Variants in NPAS3 observed in about 807,000 individuals in gnomAD.
NPAS3 encodes the protein neuronal PAS domain-containing protein 3.
Under a neutral mutation model 73.1 loss-of-function variants are expected in NPAS3, and 14 were observed. The observed-to-expected ratio is 0.19, with a 90% CI of 0.13 to 0.30. The LOEUF (loss-of-function observed/expected upper bound fraction) is 0.30. Among genes scored for constraint, NPAS3 ranks in the 10% least tolerant of loss-of-function variants. The pLI, the probability that NPAS3 is intolerant of heterozygous loss-of-function variation, is 1.00. For synonymous variants in NPAS3, 620 were observed against 541.5 expected, an observed-to-expected ratio of 1.14 and a Z score of -2.01; for missense variants, 1,096 against 1,250.0, an observed-to-expected ratio of 0.88 and a Z score of 1.86.
chr14:32,942,022 GT>G (rs1424886840), intron 1 of NPAS3, among the ~76,000 whole-genome samples: 31 of 152,224 alleles, frequency 2.0e-4, no homozygotes, highest in African/African-American at 7.5e-4. Context: ...CTTGCTTCAA[GT>G]AAGTGAGTAA....
intron 3 of NPAS3, among the ~76,000 whole-genome samples, chr14:33,306,033 A>T (rs2042740777): frequency 6.6e-6 from 1 of 152,180 alleles, no homozygotes. Flanking sequence ...ATTATATTTC[A>T]TTTAAACACA....
At chr14:33,018,189 A>G (rs1348982887) in intron 1 of NPAS3, among the ~76,000 whole-genome samples, 1 of 152,232 alleles carries the variant, frequency 6.6e-6, no homozygotes, top group Non-Finnish European at 1.5e-5. Flanking sequence ...ACTAGAGTTA[A>G]TAAGTTTGGA....
intron 3 of NPAS3, among the ~76,000 whole-genome samples, chr14:33,363,846 G>A (rs936761233): frequency 2.0e-5 from 3 of 151,478 alleles, no homozygotes; most frequent in South Asian, 4.2e-4. Context: ...TAGCTCTTAC[G>A]TCTCACTCTC....
chr14:33,199,187 C>A (rs549218317), intron 2 of NPAS3, among the ~76,000 whole-genome samples: 1 of 152,318 alleles, frequency 6.6e-6, no homozygotes, highest in African/African-American at 2.4e-5. Context: ...GAGGGGTTCC[C>A]ACAGTGCAGA....
At chr14:33,041,180 A>G (rs2040336535) in intron 1 of NPAS3, among the ~76,000 whole-genome samples, 1 of 152,190 alleles carries the variant, frequency 6.6e-6, no homozygotes, top group Non-Finnish European at 1.5e-5. Flanking sequence ...TTAAAATTTA[A>G]TACATATTAA....
chr14:33,146,627 T>C (rs548676855), intron 2 of NPAS3, among the ~76,000 whole-genome samples: 184 of 152,346 alleles, frequency 1.2e-3, no homozygotes, highest in Admixed American at 4.6e-3. Context: ...AGTAATATTC[T>C]ACAATAAAAG....
chr14:33,089,573 C>G (rs1047801899), intron 2 of NPAS3, among the ~76,000 whole-genome samples: 1 of 152,172 alleles, frequency 6.6e-6, no homozygotes, highest in Non-Finnish European at 1.5e-5. Flanking sequence ...GGAAAACACT[C>G]TGCAGGATAT....
At chr14:33,629,594 C>A (rs1270367360) in intron 5 of NPAS3, among the ~76,000 whole-genome samples, 1 of 151,316 alleles carries the variant, frequency 6.6e-6, no homozygotes, top group African/African-American at 2.4e-5. Flanking sequence ...TTAACACATT[C>A]CCTCTAGACT....
At chr14:33,717,426 A>C (rs1414032302) in intron 6 of NPAS3, among the ~76,000 whole-genome samples, 1 of 152,114 alleles carries the variant, frequency 6.6e-6, no homozygotes, top group Non-Finnish European at 1.5e-5. Context: ...AGCAGGGTGA[A>C]AGTGAATATT....
chr14:33,366,562 C>A (rs1486093552), intron 3 of NPAS3, among the ~76,000 whole-genome samples: 2 of 152,104 alleles, frequency 1.3e-5, no homozygotes, highest in Non-Finnish European at 2.9e-5. Flanking sequence ...CAAGGATCTA[C>A]CTGGGCTTCT....
At position 33,186,815 on chromosome 14, in the gene NPAS3, C is replaced by T. The variant is rs1275074905; in HGVS notation, c.141-28367C>T. ...CTGAGATCACTCTAGTGCAGTGTTTCCCAGCTAGGGATGGTTTTGTCCCTA... is the reference window on the plus strand; with the variant it reads ...CTGAGATCACTCTAGTGCAGTGTTTTCCAGCTAGGGATGGTTTTGTCCCTA... On this transcript the variant is annotated intron_variant, in intron 2 of 11. Transcript: ENST00000356141. Among the ~76,000 whole-genome samples the T allele has an allele frequency of 2.6e-5, 4 of 152,138 alleles. No homozygotes were observed. The East Asian group carries it at 7.7e-4, about 29-fold the overall frequency.
chr14:33,350,652 C>T (rs1179853889), intron 3 of NPAS3, among the ~76,000 whole-genome samples: 2 of 152,216 alleles, frequency 1.3e-5, no homozygotes, highest in African/African-American at 4.8e-5. Flanking sequence ...AGGCCTGAAA[C>T]GGATTCGTGA....
At chr14:33,798,214 A>G (rs943164) in intron 11 of NPAS3, among the ~76,000 whole-genome samples, 35,925 of 152,070 alleles carry the variant, frequency 0.24, 4,295 homozygotes, top group Middle Eastern at 0.28. Flanking sequence ...TCCTGAATCT[A>G]TGCAGAACAA....
intron 6 of NPAS3, among the ~76,000 whole-genome samples, chr14:33,729,450 TCCTTC>T (rs1360108053): frequency 6.6e-6 from 1 of 152,178 alleles, no homozygotes; most frequent in African/African-American, 2.4e-5. Flanking sequence ...CTCGCATAGT[TCCTTC>T]AGGTTAGCGA....
chr14:33,157,860 G>T (rs1421799850), intron 2 of NPAS3, among the ~76,000 whole-genome samples: 1 of 152,102 alleles, frequency 6.6e-6, no homozygotes, highest in Non-Finnish European at 1.5e-5. Flanking sequence ...TGTGAGATGG[G>T]GATGTCAATA....
At chr14:32,967,912 A>AGTGT (rs10556511) in intron 1 of NPAS3, among the ~76,000 whole-genome samples, 8 of 151,716 alleles carry the variant, frequency 5.3e-5, no homozygotes, top group Non-Finnish European at 1.0e-4. Context: ...ACATTGTGAG[A>AGTGT]GTGTGTGTGT....
intron 4 of NPAS3, among the ~76,000 whole-genome samples, chr14:33,513,637 T>C (rs2053163800): frequency 6.6e-6 from 1 of 152,082 alleles, no homozygotes; most frequent in East Asian, 1.9e-4. Flanking sequence ...GGTCTTTCCA[T>C]CATTCCAATC....
chr14:33,540,711 TCTGTAAACA>T (rs1566984882), intron 4 of NPAS3, among the ~76,000 whole-genome samples: 1 of 152,134 alleles, frequency 6.6e-6, no homozygotes, highest in African/African-American at 2.4e-5. Context: ...AGTAAAGGTC[TCTGTAAACA>T]CTGAGCTGGA....
At chr14:33,072,618 T>A (rs10151616) in intron 2 of NPAS3, among the ~76,000 whole-genome samples, 2 of 151,962 alleles carry the variant, frequency 1.3e-5, no homozygotes, top group Non-Finnish European at 1.5e-5. Context: ...ATCATAACCC[T>A]GAATGGATAT....
Sources: allele counts gnomAD v4.1 joint callset (sites outside exome capture counted in the v4.1 genomes callset), GRCh38; gene constraint gnomAD v4.1.1; transcripts MANE v1.5; gene names NCBI Gene and HGNC (gene_info 2026-07-23, HGNC 2026-07-21).